Variants in ANK3 observed in about 807,000 individuals in gnomAD.
The protein encoded by ANK3 is ankyrin-3.
Under a neutral mutation model 370.9 loss-of-function variants are expected in ANK3, and 57 were observed. The observed-to-expected ratio is 0.15, with a 90% CI of 0.12 to 0.19. The LOEUF (loss-of-function observed/expected upper bound fraction) is 0.19. Ranked by LOEUF, ANK3 falls within the 10% of genes least tolerant of loss-of-function variation. ANK3 has a pLI of 1.00. For synonymous variants in ANK3, 1,929 were observed against 1,946.3 expected, an observed-to-expected ratio of 0.99 and a Z score of 0.23; for missense variants, 4,439 against 5,302.1, an observed-to-expected ratio of 0.84 and a Z score of 5.06.
chr10:60,334,094 G>A (rs1476550200), intron 1 of ANK3, among the ~76,000 whole-genome samples: 1 of 152,126 alleles, frequency 6.6e-6, no homozygotes, highest in Non-Finnish European at 1.5e-5. Context: ...CCAGGTGATG[G>A]CAATTGGGTA....
rs762452752 is a variant in ANK3 at position 60,084,598 on chromosome 10, G to T, written c.4074+4C>A. The T allele has an allele frequency of 4.3e-6, 7 of 1,611,248 alleles. No individual in the cohort carries two copies. The highest frequency in any genetic ancestry group is 1.3e-5 in the African/African-American group (1 of 74,782). ...AAATGAACTTGTTTTTGTGAACAAG[G>T]TACCTCAATATCTTTGCTTCTTGCG... is the stretch of plus-strand genomic sequence containing the variant. On this transcript the variant is annotated splice_donor_region_variant and intron_variant, in intron 32 of 43. Coordinates refer to ENST00000280772, the MANE Select transcript of ANK3 (RefSeq NM_020987.5).
Position 60,484,177 on chromosome 10 carries a change from A to G in ANK3, c.96+131009T>C, listed in dbSNP as rs371758457. Among the ~76,000 whole-genome samples, 11 of 152,314 alleles carry G rather than the reference A, an allele frequency of 7.2e-5. No homozygotes were observed. In the East Asian group the frequency reaches 1.4e-3, roughly 19 times the overall value. On this transcript the variant is annotated intron_variant, in intron 2 of 43. Transcript: ENST00000373827. Reference sequence around the variant, plus strand: ...TTCAACAGAGATCTAAGATGGAAAAACCTGGAAAAGAAAAATAATAAGGAA... The same window carrying G: ...TTCAACAGAGATCTAAGATGGAAAAGCCTGGAAAAGAAAAATAATAAGGAA...
chr10:60,548,580 T>C (rs947268834), intron 2 of ANK3, among the ~76,000 whole-genome samples: 2 of 152,096 alleles, frequency 1.3e-5, no homozygotes, highest in Non-Finnish European at 2.9e-5. Flanking sequence ...GTGTGAAAGT[T>C]CAAAATAAGG....
chr10:60,447,482 G>A (rs569986622), intron 2 of ANK3, among the ~76,000 whole-genome samples: 1 of 152,186 alleles, frequency 6.6e-6, no homozygotes, highest in South Asian at 2.1e-4. Context: ...GGGGGTCCGT[G>A]CTACTCCAGT....
intron 1 of ANK3, among the ~76,000 whole-genome samples, chr10:60,675,462 T>A (rs1031298784): frequency 1.3e-5 from 2 of 152,214 alleles, no homozygotes; most frequent in Non-Finnish European, 2.9e-5. Flanking sequence ...ACAATTTGTC[T>A]TCTAAATTTG....
At chr10:60,247,215 C>T (rs2097569432) in intron 7 of ANK3, among the ~76,000 whole-genome samples, 1 of 152,006 alleles carries the variant, frequency 6.6e-6, no homozygotes, top group Non-Finnish European at 1.5e-5. Flanking sequence ...GACGGGGTTT[C>T]ACCATGTTAA....
At chr10:60,290,517 C>T (rs1390398759) in intron 1 of ANK3, among the ~76,000 whole-genome samples, 1 of 152,090 alleles carries the variant, frequency 6.6e-6, no homozygotes, top group Non-Finnish European at 1.5e-5. Context: ...AAAAATGCTT[C>T]TAAATTTCTA....
In ANK3 at chr10:60,414,364, G is replaced by T. The variant is rs72806170; in HGVS notation, c.97-134725C>A. ...CCCATATCCATGGGGACTGGATTAT[G>T]AAACATAACAGGAATATACAAAATT... is the stretch of plus-strand genomic sequence containing the variant. On this transcript the variant is annotated intron_variant, in intron 2 of 43. Transcript: ENST00000373827. Among the ~76,000 whole-genome samples the T allele has an allele frequency of 4.7e-3, 710 of 152,260 alleles. 4 individuals are homozygous for T. Among genetic ancestry groups the T allele is most frequent in the South Asian group, 0.011 (54 of 4,822 alleles).
intron 1 of ANK3, among the ~76,000 whole-genome samples, chr10:60,690,847 C>T (rs1309613310): frequency 1.3e-5 from 2 of 152,006 alleles, no homozygotes; most frequent in African/African-American, 4.8e-5. Flanking sequence ...GCTACAGCAT[C>T]GATAGGAGCT....
At chr10:60,368,097 G>T (rs114225304) in intron 1 of ANK3, among the ~76,000 whole-genome samples, 1 of 152,182 alleles carries the variant, frequency 6.6e-6, no homozygotes, top group African/African-American at 2.4e-5. Flanking sequence ...TCCTAGAATT[G>T]TGTATCTCAC....
chr10:60,194,326 G>C (rs2096547541), intron 16 of ANK3, among the ~76,000 whole-genome samples: 1 of 152,102 alleles, frequency 6.6e-6, no homozygotes, highest in East Asian at 1.9e-4. Flanking sequence ...TATTCACATT[G>C]TTCTCCAACC....
At chr10:60,068,610 G>A (rs749030664) in intron 37 of ANK3, 27 bp downstream of exon 37, 87 of 1,570,282 alleles carry the variant, frequency 5.5e-5, no homozygotes, top group Admixed American at 1.5e-4. Context: ...CAGAGTGCTC[G>A]AGAGACCTGA....
At chr10:60,176,599 T>C (rs1223396635) in intron 18 of ANK3, among the ~76,000 whole-genome samples, 7 of 151,646 alleles carry the variant, frequency 4.6e-5, no homozygotes, top group African/African-American at 9.7e-5. Context: ...CTGTCTCTAC[T>C]AAAAATACAA....
chr10:60,249,197 C>T (rs1372286453), intron 7 of ANK3, among the ~76,000 whole-genome samples: 3 of 152,170 alleles, frequency 2.0e-5, no homozygotes, highest in African/African-American at 7.2e-5. Flanking sequence ...GCATTTAAAA[C>T]TCAATTGTGG....
intron 1 of ANK3, among the ~76,000 whole-genome samples, chr10:60,695,756 G>A (rs1346096721): frequency 6.6e-6 from 1 of 152,226 alleles, no homozygotes; most frequent in Non-Finnish European, 1.5e-5. Context: ...AAAGCAGTGT[G>A]TAGAGGGAAA....
At chr10:60,068,518 A>G in intron 37 of ANK3, 119 bp downstream of exon 37, 1 of 1,080,874 alleles carries the variant, frequency 9.3e-7, no homozygotes, top group East Asian at 2.4e-5. Context: ...AAGTCACTCC[A>G]CAGGCAATCA....
chr10:60,605,866 C>A (rs1290579665), intron 2 of ANK3, among the ~76,000 whole-genome samples: 1 of 152,114 alleles, frequency 6.6e-6, no homozygotes, highest in Non-Finnish European at 1.5e-5. Context: ...AGTAAAGTGA[C>A]AGAAAGCATT....
chr10:60,433,560 G>T (rs550131794), intron 2 of ANK3, among the ~76,000 whole-genome samples: 1 of 152,036 alleles, frequency 6.6e-6, no homozygotes, highest in African/African-American at 2.4e-5. Flanking sequence ...GCCACCGCAC[G>T]ATCGTGCCAC....
rs188582609 is a variant in ANK3, at chr10:60,081,965, G to C, written c.4350+185C>G. On this transcript the variant is annotated intron_variant, in intron 35 of 43. Coordinates refer to ENST00000280772, the MANE Select transcript of ANK3 (RefSeq NM_020987.5). ...TTATAATTTCGTTGAATATATTTAA[G>C]TACTCTTAAGTACGTGTGGAAGAAG... The C allele has an allele frequency of 1.2e-5, 5 of 432,472 alleles. No homozygotes were observed. The Admixed American group carries it at 2.0e-4, about 18-fold the overall frequency. The allele number at this position is 432,472 out of a possible 1,614,324, so 26.8% of individuals were successfully genotyped here. A position where few individuals can be genotyped will look rare whatever the true frequency, so the allele number is the denominator to read the frequency against.
Sources: gnomAD v4.1 joint callset for allele counts (sites outside exome capture counted in the v4.1 genomes callset) on GRCh38, gnomAD v4.1.1 for gene constraint, MANE v1.5 for transcripts, NCBI Gene and HGNC (gene_info 2026-07-23, HGNC 2026-07-21) for gene names.